VPS13B: variants seen among roughly 807,000 people sequenced by gnomAD.
VPS13B encodes the protein intermembrane lipid transfer protein VPS13B.
In VPS13B, 285 loss-of-function variants were observed where a neutral mutation model predicts 426.4. The ratio of observed to expected loss-of-function variants is 0.67; its 90% CI spans 0.61 to 0.74. The LOEUF (loss-of-function observed/expected upper bound fraction) is 0.74. VPS13B is among the 30% of genes least tolerant of loss of function. The pLI is 0.00. For synonymous variants in VPS13B, 1,676 were observed against 1,676.4 expected (o/e 1.00, Z 0.01); for missense variants, 4,537 against 4,782.6 (o/e 0.95, Z 1.51).
intron 54 of VPS13B, among the ~76,000 whole-genome samples, chr8:99,843,253 G>A (rs1203471583): frequency 6.6e-6 from 1 of 152,074 alleles, no homozygotes; most frequent in East Asian, 1.9e-4. Flanking sequence ...GTCACCTAGA[G>A]CCTTCCATGC....
intron 19 of VPS13B, among the ~76,000 whole-genome samples, chr8:99,375,360 A>T (rs945924720): frequency 2.6e-5 from 4 of 152,198 alleles, no homozygotes; most frequent in Admixed American, 2.6e-4. Context: ...CTCTGCTCTG[A>T]TGAAAGCTGA....
intron 39 of VPS13B, among the ~76,000 whole-genome samples, chr8:99,759,667 C>G (rs1810824154): frequency 6.6e-6 from 1 of 152,140 alleles, no homozygotes; most frequent in Non-Finnish European, 1.5e-5. Flanking sequence ...CAAAAATGAA[C>G]TTCTGATCTC....
chr8:99,518,276 A>G (rs1374104857), intron 29 of VPS13B, among the ~76,000 whole-genome samples: 1 of 152,170 alleles, frequency 6.6e-6, no homozygotes, highest in Non-Finnish European at 1.5e-5. Context: ...TTTATTCTCC[A>G]GGCTTACTAC....
chr8:99,645,822 T>C (rs965119860), intron 34 of VPS13B, among the ~76,000 whole-genome samples: 18 of 152,222 alleles, frequency 1.2e-4, no homozygotes, highest in Non-Finnish European at 2.1e-4. Flanking sequence ...CTTGAATGAA[T>C]TGTCTAAGTC....
chr8:99,549,481 T>A (rs969566320), intron 30 of VPS13B, among the ~76,000 whole-genome samples: 1 of 152,162 alleles, frequency 6.6e-6, no homozygotes, highest in Non-Finnish European at 1.5e-5. Flanking sequence ...TATGATGTGA[T>A]GACTTCTGTG....
At chr8:99,809,187 C>G (rs561999224) in intron 43 of VPS13B, among the ~76,000 whole-genome samples, 188 bp from the exon 44 acceptor site, 1 of 152,154 alleles carries the variant, frequency 6.6e-6, no homozygotes, top group Non-Finnish European at 1.5e-5. Context: ...CACATTGACT[C>G]TATGTGACAT....
chr8:99,837,782 A>G (rs7844422), intron 54 of VPS13B, among the ~76,000 whole-genome samples: 63,649 of 151,990 alleles, frequency 0.42, 13,966 homozygotes, highest in African/African-American at 0.53. Flanking sequence ...GGGAAGCAAA[A>G]GGAGCTGTGT....
At chr8:99,371,069 T>G (rs1338742396) in intron 19 of VPS13B, among the ~76,000 whole-genome samples, 1 of 152,226 alleles carries the variant, frequency 6.6e-6, no homozygotes, top group Non-Finnish European at 1.5e-5. Context: ...TGATACTTAT[T>G]TGACATTTAT....
chr8:99,413,193 T>A (rs1387817863), intron 21 of VPS13B, among the ~76,000 whole-genome samples: 1 of 151,950 alleles, frequency 6.6e-6, no homozygotes, highest in Non-Finnish European at 1.5e-5. Context: ...GGTCCTGGGT[T>A]TTTTTTTGTT....
At chr8:99,573,967 T>C (rs1352703623) in intron 31 of VPS13B, among the ~76,000 whole-genome samples, 2 of 152,212 alleles carry the variant, frequency 1.3e-5, no homozygotes, top group African/African-American at 4.8e-5. Flanking sequence ...ATATCCTCTT[T>C]TCTTTCGTTG....
intron 39 of VPS13B, among the ~76,000 whole-genome samples, chr8:99,742,476 G>A (rs1809796013): frequency 6.6e-6 from 1 of 152,150 alleles, no homozygotes; most frequent in African/African-American, 2.4e-5. Context: ...CTCATTTTAT[G>A]AGGCCAGCAT....
At chr8:99,344,778 C>G (rs769458553) in intron 19 of VPS13B, among the ~76,000 whole-genome samples, 9 of 150,340 alleles carry the variant, frequency 6.0e-5, no homozygotes, top group Non-Finnish European at 8.9e-5. Flanking sequence ...ATTGCAGATT[C>G]TAATTCTTGG....
At chr8:99,872,375 CCT>C (rs769385202) in intron 61 of VPS13B, among the ~76,000 whole-genome samples, 5 of 152,306 alleles carry the variant, frequency 3.3e-5, no homozygotes, top group South Asian at 2.1e-4. Flanking sequence ...TTTCCCACCC[CCT>C]GAGTACCACA....
chr8:99,368,455 A>AT (rs373989570), intron 19 of VPS13B, among the ~76,000 whole-genome samples: 6 of 151,940 alleles, frequency 3.9e-5, no homozygotes, highest in South Asian at 2.1e-4. Flanking sequence ...CTTCAAATTC[A>AT]TTTTTTTTAG....
At chr8:99,539,948 A>G (rs1349241675) in intron 30 of VPS13B, among the ~76,000 whole-genome samples, 1 of 138,322 alleles carries the variant, frequency 7.2e-6, no homozygotes, top group Non-Finnish European at 1.5e-5. Context: ...CATTATATTT[A>G]TATATAGCAT....
intron 39 of VPS13B, among the ~76,000 whole-genome samples, chr8:99,736,763 A>G (rs375547924): frequency 7.4e-6 from 1 of 135,488 alleles, no homozygotes; most frequent in Non-Finnish European, 1.6e-5. Flanking sequence ...TACTTATTTT[A>G]TATTTTTGCC....
chr8:99,443,991 T>C (rs752461911), intron 23 of VPS13B, among the ~76,000 whole-genome samples: 46 of 149,786 alleles, frequency 3.1e-4, no homozygotes, highest in Non-Finnish European at 5.3e-4. Context: ...TTATCCGCTT[T>C]GTTTCTTTTT....
intron 43 of VPS13B, chr8:99,797,168 G>C (rs915457475): frequency 1.3e-5 from 2 of 152,124 alleles, no homozygotes; most frequent in Admixed American, 1.3e-4. Flanking sequence ...CTTTGAATAA[G>C]GTATTGTTTC....
intron 33 of VPS13B, among the ~76,000 whole-genome samples, chr8:99,598,050 T>A (rs1827104075): frequency 6.6e-6 from 1 of 152,012 alleles, no homozygotes; most frequent in Admixed American, 6.6e-5. Flanking sequence ...TAACTCCATG[T>A]TTGAGGGAGA....
Sources: allele counts gnomAD v4.1 joint callset (sites outside exome capture counted in the v4.1 genomes callset), GRCh38; gene constraint gnomAD v4.1.1; transcripts MANE v1.5; gene names NCBI Gene and HGNC (gene_info 2026-07-23, HGNC 2026-07-21).